SOS1: variants seen among roughly 807,000 people sequenced by gnomAD.
SOS1 encodes the protein son of sevenless homolog 1.
A neutral mutation model predicts 157.6 loss-of-function variants in SOS1; 25 were observed. The ratio of observed to expected loss-of-function variants is 0.16; its 90% CI spans 0.12 to 0.22. The LOEUF is 0.22. Among genes scored for constraint, SOS1 ranks in the 10% least tolerant of loss-of-function variants. SOS1 has a pLI of 1.00. For synonymous variants in SOS1, 528 were observed against 534.0 expected (o/e 0.99, Z 0.16); for missense variants, 1,237 against 1,599.1 (o/e 0.77, Z 3.86).
At chr2:39,062,756 G>T (rs1671453926) in intron 2 of SOS1, among the ~76,000 whole-genome samples, 1 of 151,848 alleles carries the variant, frequency 6.6e-6, no homozygotes, top group Non-Finnish European at 1.5e-5. Context: ...ATTATGAAAG[G>T]ACAAGACCTA....
chr2:39,034,879 G>T (rs1198040042), intron 8 of SOS1: 2 of 469,452 alleles, frequency 4.3e-6, no homozygotes, highest in South Asian at 1.5e-5. Flanking sequence ...TAAATCCAAG[G>T]TTGTTTTCAA....
Position 39,051,172 on chromosome 2 carries a change from A to G in SOS1, c.836T>C (p.Val279Ala). 1 of 1,613,766 alleles carries G rather than the reference A, an allele frequency of 6.2e-7. No individual in the cohort carries two copies. Among genetic ancestry groups the G allele is most frequent in the Non-Finnish European group, 8.5e-7 (1 of 1,179,762 alleles). Residue 279 changes from valine (V) to alanine (A), a missense_variant, in exon 6 of 23, where the codon GTA (valine) becomes GCA (alanine). Physicochemically the swap from Val to Ala is moderately conservative, Grantham distance 64. Coordinates refer to ENST00000402219, the MANE Select transcript of SOS1 (RefSeq NM_005633.4). ...MTDEGSPHPL[V>A]GSCFEDLAEE... ...TGCTAAGTCTTCAAAGCAGCTTCCT[A>G]CTAGTGGATGGGGACTGCCTTCATC...
intron 1 of SOS1, among the ~76,000 whole-genome samples, chr2:39,094,475 G>A (rs756656824): frequency 9.2e-5 from 14 of 151,880 alleles, no homozygotes; most frequent in Non-Finnish European, 1.6e-4. Flanking sequence ...GTGAAACCCC[G>A]TCTCTACTAA....
rs1553356023 is a variant in SOS1, at chr2:39,022,701, C to A, written c.1727G>T (p.Arg576Ile). The A allele has an allele frequency of 2.5e-6, 4 of 1,613,590 alleles. No homozygotes were observed. The highest frequency in any genetic ancestry group is 3.4e-6 in the Non-Finnish European group (4 of 1,179,562). The change falls in exon 10 of 23, where the codon AGA (arginine) becomes ATA (isoleucine). Residue 576 changes from arginine to isoleucine, a missense_variant. Around this residue, in one of 15 missense-constraint regions of SOS1, gnomAD observed 210 missense variants for 220.2 expected, o/e 0.95. Transcript: ENST00000402219. ...CTCTTCAGAGTCAGGCTCTGCAAAT[C>A]TATAAACATCAGCACTAGGCAGCCT... ...QMRLPSADVY[R>I]FAEPDSEENI...
intron 1 of SOS1, among the ~76,000 whole-genome samples, chr2:39,109,661 C>T (rs1276586956): frequency 6.6e-6 from 1 of 152,198 alleles, no homozygotes; most frequent in Non-Finnish European, 1.5e-5. Flanking sequence ...TGATTCTACT[C>T]CTTACTAGTC....
intron 6 of SOS1, among the ~76,000 whole-genome samples, chr2:39,042,958 A>C (rs1365201490): frequency 1.3e-5 from 2 of 152,108 alleles, no homozygotes; most frequent in African/African-American, 4.8e-5. Context: ...TATATAGATA[A>C]TTATATTGAC....
At chr2:39,009,300 C>G (rs947188158) in intron 15 of SOS1, among the ~76,000 whole-genome samples, 6 of 151,720 alleles carry the variant, frequency 4.0e-5, no homozygotes, top group Non-Finnish European at 8.8e-5. Flanking sequence ...TGTTCAAAAA[C>G]GAAGGTAAAA....
intron 6 of SOS1, among the ~76,000 whole-genome samples, chr2:39,042,888 C>T (rs1224331791): frequency 2.0e-5 from 3 of 151,938 alleles, no homozygotes; most frequent in Non-Finnish European, 2.9e-5. Flanking sequence ...GATCTTTTAT[C>T]CAATAGCTAT....
intron 20 of SOS1, chr2:38,993,608 G>T (rs1171005276): frequency 1.3e-5 from 2 of 152,156 alleles, no homozygotes; most frequent in Non-Finnish European, 2.9e-5. Context: ...TTTTTAGTTA[G>T]ATTTCTTCCA....
intron 2 of SOS1, among the ~76,000 whole-genome samples, 175 bp downstream of exon 2, chr2:39,067,453 C>T (rs1486640907): frequency 6.6e-6 from 1 of 151,976 alleles, no homozygotes; most frequent in African/African-American, 2.4e-5. Flanking sequence ...ATCTAAAACA[C>T]TTCTGTTCCC....
chr2:39,061,984 A>G (rs1369022699), intron 2 of SOS1, among the ~76,000 whole-genome samples: 1 of 104,244 alleles, frequency 9.6e-6, no homozygotes, highest in Non-Finnish European at 2.2e-5. Context: ...AAATTCTTAC[A>G]TATGTACTTC....
At chr2:39,006,884 C>G (rs1284526455) in intron 16 of SOS1, 147 bp downstream of exon 16, 1 of 669,328 alleles carries the variant, frequency 1.5e-6, no homozygotes, top group Non-Finnish European at 2.6e-6. Context: ...GCAACCAATT[C>G]ATTACAAAAC....
chr2:39,018,077 A>G (rs1212166994), intron 10 of SOS1, among the ~76,000 whole-genome samples: 1 of 151,938 alleles, frequency 6.6e-6, no homozygotes, highest in Non-Finnish European at 1.5e-5. Context: ...CCCATATTCT[A>G]AAACCATGTT....
chr2:39,027,674 C>CT (rs1670010166), intron 8 of SOS1, among the ~76,000 whole-genome samples: 2 of 152,120 alleles, frequency 1.3e-5, no homozygotes, highest in African/African-American at 2.4e-5. Context: ...CAATACCATG[C>CT]TTTTCATGAG....
chr2:38,982,701 C>G lies in SOS1; in HGVS notation c.*3123G>C, dbSNP rs1040051425. On this transcript the variant is annotated 3_prime_UTR_variant, in exon 23 of 23. Coordinates refer to ENST00000402219, the MANE Select transcript of SOS1 (RefSeq NM_005633.4). ...ACACTCCTCCTATTTTGCTGAGTCA[C>G]TTAAAAATCTGAATTTAAGCTGTCA... The G allele has an allele frequency of 2.0e-5, 3 of 152,092 alleles. No homozygotes were observed. Among genetic ancestry groups the G allele is most frequent in the Non-Finnish European group, 4.4e-5 (3 of 67,996 alleles). The allele number at this position is 152,092 out of a possible 1,614,324, so 9.4% of individuals were successfully genotyped here. A position where few individuals can be genotyped will look rare whatever the true frequency, so the allele number is the denominator to read the frequency against.
chr2:39,039,330 AT>A (rs923158404), intron 6 of SOS1, among the ~76,000 whole-genome samples: 9 of 152,160 alleles, frequency 5.9e-5, no homozygotes, highest in Non-Finnish European at 1.2e-4. Flanking sequence ...ATGCATGAAT[AT>A]TTTTTAGAGC....
In SOS1 at chr2:39,120,695, C is replaced by G. The variant is rs1274101215; in HGVS notation, c.-273G>C. 1.4e-5 allele frequency among the ~76,000 whole-genome samples: 2 copies of G among 146,854 alleles called. No individual in the cohort carries two copies. The highest frequency in any genetic ancestry group is 3.9e-4 in the East Asian group (2 of 5,106). ...CACCACCGCCCCGGGGCCAGGCCCC[C>G]CGCCCCTCCCCGGCCCGCCGGCGCC... On this transcript the variant is annotated 5_prime_UTR_variant, in exon 1 of 23. Coordinates refer to ENST00000402219, the MANE Select transcript of SOS1 (RefSeq NM_005633.4).
At chr2:39,096,694 G>C (rs1672776281) in intron 1 of SOS1, among the ~76,000 whole-genome samples, 1 of 152,016 alleles carries the variant, frequency 6.6e-6, no homozygotes, top group South Asian at 2.1e-4. Flanking sequence ...GACCATCTTG[G>C]CTAACATGGT....
Position 38,985,733 on chromosome 2 carries a change from A to G in SOS1, c.*91T>C, listed in dbSNP as rs1668535947. The G allele has an allele frequency of 2.7e-6, 4 of 1,469,004 alleles. No homozygotes were observed. The highest frequency in any genetic ancestry group is 1.9e-6 in the Non-Finnish European group (2 of 1,054,582). 91.0% of individuals were successfully genotyped at this position (1,469,004 alleles called of 1,614,324 possible). A position where few individuals can be genotyped will look rare whatever the true frequency, so the allele number is the denominator to read the frequency against. The stretch of plus-strand genomic sequence containing the variant: ...AGAGTCGTTAGTGTTTGGAGTTCTC[A>G]TTTTAACTCCTCAGTGCTGGCACAT... On this transcript the variant is annotated 3_prime_UTR_variant, in exon 23 of 23. Transcript: ENST00000402219.
Sources: gnomAD v4.1 joint callset for allele counts (sites outside exome capture counted in the v4.1 genomes callset) on GRCh38, gnomAD v4.1.1 for gene constraint, gnomAD v4.1.1 regional missense constraint, MANE v1.5 for transcripts, NCBI Gene and HGNC (gene_info 2026-07-23, HGNC 2026-07-21) for gene names.